Variants in EMB observed in about 807,000 individuals in gnomAD.
EMB encodes embigin.
A neutral mutation model predicts 41.4 loss-of-function variants in EMB; 31 were observed. That is an observed-to-expected ratio of 0.75 (90% confidence interval 0.56 to 1.01). The LOEUF is 1.01. Ranked by LOEUF, EMB falls within the 50% of genes least tolerant of loss-of-function variation. The pLI, the probability that EMB is intolerant of heterozygous loss-of-function variation, is 0.00. For missense variants in EMB, 379 were observed against 388.3 expected (o/e 0.98, Z 0.20); for synonymous variants, 137 against 140.4 (o/e 0.98, Z 0.17).
intron 2 of EMB, among the ~76,000 whole-genome samples, chr5:50,425,312 A>G (rs1745591598): frequency 6.6e-6 from 1 of 152,094 alleles, no homozygotes. Flanking sequence ...GCTCACAAGG[A>G]CCTTGTGGGA....
intron 1 of EMB, among the ~76,000 whole-genome samples, chr5:50,435,229 T>C (rs1389287295): frequency 1.3e-5 from 2 of 152,172 alleles, no homozygotes; most frequent in Non-Finnish European, 2.9e-5. Context: ...ACCTGATGCT[T>C]CATGCCCCAC....
At position 50,435,097 on chromosome 5, in the gene EMB, G is replaced by A. The variant is rs113392874; in HGVS notation, c.112+5943C>T. On this transcript the variant is annotated intron_variant, in intron 1 of 8. Transcript: ENST00000303221. The stretch of plus-strand genomic sequence containing the variant: ...AACTACTGTTTTAGTTTAATACCTC[G>A]GTAAACTGAAGCTTTCTCAGGTAAA... 9.5e-3 allele frequency among the ~76,000 whole-genome samples: 1,439 copies of A among 152,134 alleles called. 25 individuals carry two copies. The highest frequency in any genetic ancestry group is 0.031 in the African/African-American group (1,298 of 41,488).
chr5:50,435,969 A>G (rs1404938317), intron 1 of EMB, among the ~76,000 whole-genome samples: 1 of 152,094 alleles, frequency 6.6e-6, no homozygotes, highest in Admixed American at 6.6e-5. Context: ...TTCTGGCACA[A>G]GATGTTCTAG....
intron 1 of EMB, among the ~76,000 whole-genome samples, chr5:50,436,097 T>C (rs1302617786): frequency 4.6e-5 from 7 of 152,166 alleles, no homozygotes; most frequent in African/African-American, 1.7e-4. Context: ...AGTATACTCA[T>C]CACTACTGGA....
chr5:50,405,374 T>C (rs1177988129), intron 5 of EMB, among the ~76,000 whole-genome samples: 1 of 151,914 alleles, frequency 6.6e-6, no homozygotes, highest in Non-Finnish European at 1.5e-5. Context: ...GTTACTTTCA[T>C]GGAATGATTT....
intron 4 of EMB, among the ~76,000 whole-genome samples, chr5:50,406,927 C>A (rs1220720428): frequency 6.6e-6 from 1 of 151,974 alleles, no homozygotes; most frequent in Non-Finnish European, 1.5e-5. Flanking sequence ...AGTTTCCCTA[C>A]AACCTGAGAG....
chr5:50,401,062 G>A lies in EMB; in HGVS notation c.912-1149C>T, dbSNP rs191615938. ...AGAAAAACGCCAATACGTGGAAATA[G>A]GAAAGATTAAAAGTTCAAATCAACA... On this transcript the variant is annotated intron_variant, in intron 7 of 8. Transcript: ENST00000303221. Among the ~76,000 whole-genome samples the A allele has an allele frequency of 7.9e-5, 12 of 152,104 alleles. No homozygotes were observed. The East Asian group carries it at 2.3e-3, about 30-fold the overall frequency.
chr5:50,423,329 G>C lies in EMB; in HGVS notation c.196+4815C>G, dbSNP rs183396756. Among the ~76,000 whole-genome samples the C allele has an allele frequency of 3.2e-4, 48 of 152,202 alleles. 1 individual carries two copies. In the East Asian group the frequency reaches 6.9e-3, roughly 22 times the overall value. ...CATTGTAAAAGAGGAGAAGAGAAGA[G>C]AGACAGAAATGGTGGGTAATTCAAT... On this transcript the variant is annotated intron_variant, in intron 2 of 8. Transcript: ENST00000303221.
intron 1 of EMB, among the ~76,000 whole-genome samples, chr5:50,431,569 C>T (rs1027672403): frequency 1.3e-5 from 2 of 152,056 alleles, no homozygotes; most frequent in African/African-American, 4.8e-5. Context: ...GCCATATGCC[C>T]AGCTCAGTGC....
At chr5:50,422,415 G>GAA (rs1745539987) in intron 2 of EMB, among the ~76,000 whole-genome samples, 1 of 152,140 alleles carries the variant, frequency 6.6e-6, no homozygotes, top group Non-Finnish European at 1.5e-5. Flanking sequence ...TCTTACTTTG[G>GAA]GAAGTACTTT....
chr5:50,413,069 C>A (rs368533453), intron 2 of EMB, among the ~76,000 whole-genome samples: 6 of 152,042 alleles, frequency 3.9e-5, no homozygotes, highest in African/African-American at 1.2e-4. Context: ...CACGCGCCCA[C>A]GCGCACACAC....
chr5:50,412,449 T>A (rs541366349), intron 2 of EMB, among the ~76,000 whole-genome samples: 9 of 151,994 alleles, frequency 5.9e-5, no homozygotes, highest in Non-Finnish European at 8.8e-5. Context: ...GAGAATGGAG[T>A]CATCACTGAA....
chr5:50,414,707 T>C (rs190030920), intron 2 of EMB, among the ~76,000 whole-genome samples: 1 of 152,290 alleles, frequency 6.6e-6, no homozygotes, highest in African/African-American at 2.4e-5. Flanking sequence ...GCAAAATTGC[T>C]GAATTGAATT....
At chr5:50,415,524 ATAT>A (rs759133586) in intron 2 of EMB, among the ~76,000 whole-genome samples, 1 of 152,226 alleles carries the variant, frequency 6.6e-6, no homozygotes, top group Non-Finnish European at 1.5e-5. Flanking sequence ...TCACTGGGGA[ATAT>A]TATAAAAACT....
chr5:50,414,919 C>T (rs995099041), intron 2 of EMB, among the ~76,000 whole-genome samples: 8 of 152,134 alleles, frequency 5.3e-5, no homozygotes, highest in Admixed American at 5.2e-4. Context: ...GGTCTCTTTA[C>T]TTCTCAATTT....
chr5:50,441,327 C>G (rs956263404), upstream of EMB: 6 of 391,930 alleles, frequency 1.5e-5, no homozygotes, highest in African/African-American at 1.0e-4. Flanking sequence ...CCCCACTCCC[C>G]CGAGACGCTC....
In EMB at chr5:50,428,603, T is replaced by A. The variant is rs1745662494; in HGVS notation, c.113-376A>T. ...GATATGAAGAGGCAGAGAGAGAAGA[T>A]GAAAGAAGAGCGACAGGCAGACCTT... On this transcript the variant is annotated intron_variant, in intron 1 of 8. Transcript: ENST00000303221. The A allele has an allele frequency of 3.0e-6, 3 of 987,236 alleles. No homozygotes were observed. In the African/African-American group the frequency reaches 5.3e-5, roughly 17 times the overall value. 61.2% of individuals were successfully genotyped at this position (987,236 alleles called of 1,614,324 possible). A position where few individuals can be genotyped will look rare whatever the true frequency, so the allele number is the denominator to read the frequency against.
At chr5:50,441,869 G>C (rs764437056), upstream of EMB, among the ~76,000 whole-genome samples, 1 of 152,134 alleles carries the variant, frequency 6.6e-6, no homozygotes, top group Non-Finnish European at 1.5e-5. Context: ...GCCACCTAGA[G>C]CTCAAGAAGC....
rs1745900519 is a variant in EMB, at chr5:50,441,048, C to G, written c.104G>C (p.Ser35Thr). The change falls in exon 1 of 9, where the codon AGT becomes ACT. Residue 35 changes from serine to threonine, a missense_variant. Coordinates refer to ENST00000303221, the MANE Select transcript of EMB (RefSeq NM_198449.3). ...AAARPSSADG[S>T]APDSPFTSPP... Reference sequence around the variant, plus strand: ...CCCTGTACCCATCACACCTGGGGCACTGCCGTCCGCCGAGCTTGGGCGCGC... The same window carrying G: ...CCCTGTACCCATCACACCTGGGGCAGTGCCGTCCGCCGAGCTTGGGCGCGC... 1 of 1,508,850 alleles carries G rather than the reference C, an allele frequency of 6.6e-7. No individual in the cohort carries two copies. Among genetic ancestry groups the G allele is most frequent in the African/African-American group, 1.4e-5 (1 of 69,886 alleles). 93.5% of individuals were successfully genotyped at this position (1,508,850 alleles called of 1,614,324 possible).
Sources: gnomAD v4.1 joint callset for allele counts (sites outside exome capture counted in the v4.1 genomes callset) on GRCh38, gnomAD v4.1.1 for gene constraint, MANE v1.5 for transcripts, NCBI Gene and HGNC (gene_info 2026-07-23, HGNC 2026-07-21) for gene names.